Variants in INTS7 observed in about 807,000 individuals in gnomAD.
INTS7 encodes chromosome 1 open reading frame 73.
A neutral mutation model predicts 109.2 loss-of-function variants in INTS7; 46 were observed. The ratio of observed to expected loss-of-function variants is 0.42; its 90% CI spans 0.33 to 0.54. The LOEUF is 0.54. INTS7 is among the 20% of genes least tolerant of loss of function. The pLI, the probability that INTS7 is intolerant of heterozygous loss-of-function variation, is 0.07. For missense variants in INTS7, 929 were observed against 1,132.4 expected, an observed-to-expected ratio of 0.82 and a Z score of 2.58; for synonymous variants, 412 against 402.9, an observed-to-expected ratio of 1.02 and a Z score of -0.27.
chr1:211,987,071 TGGATCACTTGAGGCCA>T (rs1316833442), intron 8 of INTS7, among the ~76,000 whole-genome samples: 2 of 151,806 alleles, frequency 1.3e-5, no homozygotes. Flanking sequence ...GCAAGGTGGG[TGGATCACTTGAGGCCA>T]GGAGTTTCAG....
intron 17 of INTS7, 72 bp downstream of exon 17, chr1:211,952,497 C>T (rs1208868420): frequency 6.7e-7 from 1 of 1,484,726 alleles, no homozygotes; most frequent in Non-Finnish European, 9.2e-7. Flanking sequence ...TGAACTCACA[C>T]AGTAAGTGCC....
At chr1:211,984,693 G>C (rs1164047218) in intron 8 of INTS7, among the ~76,000 whole-genome samples, 1 of 152,152 alleles carries the variant, frequency 6.6e-6, no homozygotes, top group South Asian at 2.1e-4. Flanking sequence ...GCTAGTGAGA[G>C]AAAAGTTTTC....
intron 2 of INTS7, 100 bp downstream of exon 2, chr1:212,020,983 C>T (rs1196604236): frequency 9.3e-7 from 1 of 1,073,530 alleles, no homozygotes; most frequent in Non-Finnish European, 1.3e-6. Context: ...TGGTAACTAA[C>T]CAGGTGGAAG....
At chr1:212,024,405 A>G (rs1363883064) in intron 1 of INTS7, among the ~76,000 whole-genome samples, 1 of 152,138 alleles carries the variant, frequency 6.6e-6, no homozygotes, top group African/African-American at 2.4e-5. Flanking sequence ...TTCTCGTTGT[A>G]GAGATCTTTC....
chr1:211,991,975 T>C (rs968174913), intron 7 of INTS7, among the ~76,000 whole-genome samples: 1 of 152,208 alleles, frequency 6.6e-6, no homozygotes, highest in Non-Finnish European at 1.5e-5. Context: ...AATGCAAGTG[T>C]ATGAAAGAAA....
Position 212,006,694 on chromosome 1 carries a change from T to C in INTS7, c.824A>G (p.Asp275Gly), listed in dbSNP as rs1255098301. 1 of 1,596,918 alleles carries C rather than the reference T, an allele frequency of 6.3e-7. No homozygotes were observed. Among genetic ancestry groups the C allele is most frequent in the African/African-American group, 1.3e-5 (1 of 74,570 alleles). The change falls in exon 7 of 20, where the codon GAT becomes GGT. Residue 275 changes from aspartate (D) to glycine (G), a missense_variant. Asp to Gly is a moderately conservative substitution (Grantham distance 94). Around this residue, in one of 2 missense-constraint regions of INTS7, gnomAD observed 787 missense variants for 901.1 expected, o/e 0.87. Coordinates refer to ENST00000366994, the MANE Select transcript of INTS7 (RefSeq NM_015434.4). Reference protein sequence around the residue: ...RKAVKRLAIQDLKLLANKTPH... With the variant: ...RKAVKRLAIQGLKLLANKTPH... Reference sequence around the variant, plus strand: ...TGTTTTATTAGCAAGTAATTTCAGATCTTGAATAGCAAGTCTCTTTACTGC... The same window carrying C: ...TGTTTTATTAGCAAGTAATTTCAGACCTTGAATAGCAAGTCTCTTTACTGC...
chr1:211,966,496 T>C lies in INTS7; in HGVS notation c.2117A>G (p.Gln706Arg). The C allele has an allele frequency of 6.2e-7, 1 of 1,603,136 alleles. No individual in the cohort carries two copies. Among genetic ancestry groups the C allele is most frequent in the Non-Finnish European group, 8.5e-7 (1 of 1,172,014 alleles). The change falls in exon 16 of 20, where the codon CAG (glutamine) becomes CGG (arginine). Residue 706 changes from glutamine to arginine, a missense_variant and splice_region_variant. Around this residue, in one of 2 missense-constraint regions of INTS7, gnomAD observed 787 missense variants for 901.1 expected, o/e 0.87. Transcript: ENST00000366994. The part of the protein sequence containing the change: ...DSATLRNVEL[Q>R]QQSCLLISHA... ...AGATATCAGTAAACAGCTCTGCTGC[T>C]GTCTGGATTGATGTTAAGGTTACAT...
chr1:211,952,660 C>G lies in INTS7; in HGVS notation c.2225G>C (p.Ser742Thr). The change falls in exon 17 of 20, where the codon AGT becomes ACT. Residue 742 changes from serine to threonine, a missense_variant. By Grantham distance (58) the Ser-to-Thr change is moderately conservative. Coordinates refer to ENST00000366994, the MANE Select transcript of INTS7 (RefSeq NM_015434.4). The part of the protein sequence containing the change: ...YGSTGTAHAD[S>T]EYERRMMSVY... ...AGACATCATTCTTCTTTCATATTCA[C>G]TATCAGCATGGGCTGTTCCAGTAGA... 1 of 1,612,982 alleles carries G rather than the reference C, an allele frequency of 6.2e-7. No homozygotes were observed.
Position 211,981,203 on chromosome 1 carries a change from C to A in INTS7, c.1133-13G>T. On this transcript the variant is annotated splice_polypyrimidine_tract_variant and intron_variant, in intron 9 of 19. Transcript: ENST00000366994. ...AGTGCCAAAAGATCTAGAAGAAAAA[C>A]AGTAAACTTTATGATGGTCAAGTGA... 6 of 1,558,992 alleles carry A rather than the reference C, an allele frequency of 3.8e-6. 1 individual carries two copies. The highest frequency in any genetic ancestry group is 4.4e-6 in the Non-Finnish European group (5 of 1,130,286).
chr1:211,974,275 AAAT>A (rs1265724283), intron 13 of INTS7, among the ~76,000 whole-genome samples: 1 of 74,224 alleles, frequency 1.3e-5, no homozygotes, highest in East Asian at 3.4e-4. Context: ...CAGAAAAAAA[AAAT>A]ATATATATAT....
At chr1:212,017,103 G>A (rs759974557) in intron 3 of INTS7, 80 bp from the exon 4 acceptor site, 6 of 1,185,978 alleles carry the variant, frequency 5.1e-6, no homozygotes, top group Non-Finnish European at 7.0e-6. Flanking sequence ...GGCAAAGTCA[G>A]ATTATCAAAA....
intron 13 of INTS7, among the ~76,000 whole-genome samples, chr1:211,969,217 G>T (rs1056191371): frequency 3.3e-5 from 5 of 151,454 alleles, no homozygotes; most frequent in Non-Finnish European, 5.9e-5. Context: ...CCCGGGAGGC[G>T]GAGTCTGCTG....
rs1262482401 is a variant in INTS7, at chr1:211,946,043, A to G, written c.2415+564T>C. On this transcript the variant is annotated intron_variant, in intron 18 of 19. Coordinates refer to ENST00000366994, the MANE Select transcript of INTS7 (RefSeq NM_015434.4). The surrounding 1 kb of genome is among the most constrained non-coding windows in gnomAD (Gnocchi z 4.3). ...AATTTATTCCTGGAGGTGAGAGACA[A>G]ACAACAGAGCTCCAGTTACCCAAAT... Among the ~76,000 whole-genome samples the G allele has an allele frequency of 6.6e-6, 1 of 152,228 alleles. No homozygotes were observed. Among genetic ancestry groups the G allele is most frequent in the Non-Finnish European group, 1.5e-5 (1 of 68,042 alleles).
chr1:211,985,090 A>C (rs772735440), intron 8 of INTS7, among the ~76,000 whole-genome samples: 1 of 152,212 alleles, frequency 6.6e-6, no homozygotes, highest in Non-Finnish European at 1.5e-5. Flanking sequence ...GTTATCTGTA[A>C]TTTAATGAGT....
intron 9 of INTS7, among the ~76,000 whole-genome samples, chr1:211,981,661 C>T (rs1040487013): frequency 6.6e-6 from 1 of 152,110 alleles, no homozygotes; most frequent in Non-Finnish European, 1.5e-5. Flanking sequence ...AACCTTATTA[C>T]TGTTTTAAGT....
chr1:211,958,781 T>C (rs543685829), intron 16 of INTS7, among the ~76,000 whole-genome samples: 2 of 152,152 alleles, frequency 1.3e-5, no homozygotes, highest in Non-Finnish European at 2.9e-5. Context: ...AGGAAACTGA[T>C]ATTGGAATCT....
intron 6 of INTS7, 133 bp from the exon 7 acceptor site, chr1:212,006,894 G>A: frequency 4.2e-6 from 3 of 708,152 alleles, no homozygotes; most frequent in Admixed American, 5.5e-5. Flanking sequence ...CACTAGCTAT[G>A]TGCCCACATT....
chr1:211,959,915 C>T lies in INTS7; in HGVS notation c.2183+6515G>A, dbSNP rs968248758. 6.6e-6 allele frequency among the ~76,000 whole-genome samples: 1 copy of T among 152,236 alleles called. No homozygotes were observed. The highest frequency in any genetic ancestry group is 1.5e-5 in the Non-Finnish European group (1 of 68,050). On this transcript the variant is annotated intron_variant, in intron 16 of 19. Coordinates refer to ENST00000366994, the MANE Select transcript of INTS7 (RefSeq NM_015434.4). This position sits in a 1 kb window ranked among gnomAD's most constrained non-coding sequence, Gnocchi z 4.2. ...CTGCTGTGAAGGCCCACACAAAGGC[C>T]GGCATCCCAGACCTGCTAGTATCCT...
intron 1 of INTS7, among the ~76,000 whole-genome samples, chr1:212,028,612 A>G (rs1356363587): frequency 1.3e-5 from 2 of 152,218 alleles, no homozygotes; most frequent in Non-Finnish European, 2.9e-5. Context: ...AAGGACCATG[A>G]AATCTAAGCT....
Sources: gnomAD v4.1 joint callset for allele counts (sites outside exome capture counted in the v4.1 genomes callset) on GRCh38, gnomAD v4.1.1 for gene constraint, gnomAD v4.1.1 regional missense constraint, Gnocchi (gnomAD v3.1) non-coding constraint, MANE v1.5 for transcripts, NCBI Gene and HGNC (gene_info 2026-07-23, HGNC 2026-07-21) for gene names.